RASSF8: variants seen among roughly 807,000 people sequenced by gnomAD.
RASSF8 encodes ras association domain-containing protein 8.
Under a neutral mutation model 48.5 loss-of-function variants are expected in RASSF8, and 22 were observed. The observed-to-expected ratio is 0.45, with a 90% confidence interval of 0.32 to 0.65. The LOEUF is 0.65. Ranked by LOEUF, RASSF8 falls within the 30% of genes least tolerant of loss-of-function variation. The pLI is 0.03. For synonymous variants in RASSF8, 127 were observed against 171.5 expected, an observed-to-expected ratio of 0.74 and a Z score of 2.03; for missense variants, 418 against 489.2, an observed-to-expected ratio of 0.85 and a Z score of 1.37.
chr12:25,960,372 C>T (rs560443343), intron 1 of RASSF8, among the ~76,000 whole-genome samples: 2 of 152,298 alleles, frequency 1.3e-5, no homozygotes, highest in African/African-American at 2.4e-5. Context: ...GAATGCCAGC[C>T]AGCTTTCTGC....
chr12:25,993,004 T>C (rs1027734079), intron 1 of RASSF8, among the ~76,000 whole-genome samples: 1 of 152,064 alleles, frequency 6.6e-6, no homozygotes, highest in Non-Finnish European at 1.5e-5. Context: ...AACAATGGAT[T>C]GAGTAGTTAG....
intron 2 of RASSF8, among the ~76,000 whole-genome samples, chr12:26,015,378 G>C (rs117735124): frequency 7.2e-5 from 11 of 152,086 alleles, no homozygotes; most frequent in African/African-American, 2.2e-4. Context: ...ATCAATTATC[G>C]TTCCTGCCTG....
At chr12:25,994,478 A>C (rs1942086787) in intron 1 of RASSF8, among the ~76,000 whole-genome samples, 1 of 152,182 alleles carries the variant, frequency 6.6e-6, no homozygotes, top group South Asian at 2.1e-4. Flanking sequence ...ACATTCTCAC[A>C]GCATTAGGCA....
intron 2 of RASSF8, among the ~76,000 whole-genome samples, chr12:25,995,845 G>C (rs1047016796): frequency 1.3e-5 from 2 of 152,058 alleles, no homozygotes; most frequent in African/African-American, 2.4e-5. Flanking sequence ...CACTTTACAG[G>C]TAAATAAACT....
At chr12:26,035,513 T>G (rs1943125177) in intron 2 of RASSF8, among the ~76,000 whole-genome samples, 1 of 143,232 alleles carries the variant, frequency 7.0e-6, no homozygotes, top group South Asian at 2.1e-4. Flanking sequence ...AATTATATAA[T>G]ATAATTATAT....
rs771877829 is a variant in RASSF8 at position 26,025,703 on chromosome 12, C to T, written c.-108-29533C>T. On this transcript the variant is annotated intron_variant, in intron 2 of 5. Coordinates refer to ENST00000689635, the MANE Select transcript of RASSF8 (RefSeq NM_001394098.1). ...AACTATTCAACAAGATTGCTGGATA[C>T]AAGATCAGTATGCAAAATTTAATTG... Among the ~76,000 whole-genome samples the T allele has an allele frequency of 7.7e-4, 117 of 151,716 alleles. 1 individual carries two copies. Among genetic ancestry groups the T allele is most frequent in the Non-Finnish European group, 1.5e-3 (102 of 67,968 alleles).
chr12:25,988,124 G>A (rs1350955417), intron 1 of RASSF8, among the ~76,000 whole-genome samples: 1 of 151,606 alleles, frequency 6.6e-6, no homozygotes, highest in Non-Finnish European at 1.5e-5. Flanking sequence ...GCCTCCCAAA[G>A]TGCTGGGATT....
intron 1 of RASSF8, among the ~76,000 whole-genome samples, chr12:25,984,627 C>T (rs1034220591): frequency 3.3e-5 from 5 of 152,204 alleles, no homozygotes; most frequent in Non-Finnish European, 5.9e-5. Flanking sequence ...AGGCGTGAGC[C>T]ACTGCACCCA....
intron 2 of RASSF8, among the ~76,000 whole-genome samples, chr12:26,010,847 A>G (rs2137021257): frequency 6.6e-6 from 1 of 151,962 alleles, no homozygotes; most frequent in East Asian, 1.9e-4. Context: ...GGCGAGGGGG[A>G]CCTGGGGGAT....
intron 1 of RASSF8, among the ~76,000 whole-genome samples, chr12:25,961,487 G>A (rs11610628): frequency 0.083 from 12,658 of 152,144 alleles, 577 homozygotes; most frequent in Middle Eastern, 0.15. Flanking sequence ...AAAATTCAAA[G>A]TGTAGAGAGA....
chr12:26,022,021 C>G (rs1027115533), intron 2 of RASSF8, among the ~76,000 whole-genome samples: 3 of 152,146 alleles, frequency 2.0e-5, no homozygotes, highest in African/African-American at 7.2e-5. Flanking sequence ...CTAAGAAGAG[C>G]GCTCCCTCTT....
chr12:26,070,606 T>C lies in RASSF8; in HGVS notation c.*1788T>C, dbSNP rs1022671499. On this transcript the variant is annotated 3_prime_UTR_variant, in exon 6 of 6. Transcript: ENST00000689635. The stretch of plus-strand genomic sequence containing the variant: ...AGTAGTTATTTTCTATCTACCTATA[T>C]TTAAAATTAGGATGATTAAAAAATA... 9 of 960,774 alleles carry C rather than the reference T, an allele frequency of 9.4e-6. No individual in the cohort carries two copies. Among genetic ancestry groups the C allele is most frequent in the Non-Finnish European group, 1.1e-5 (9 of 807,676 alleles). The allele number at this position is 960,774 out of a possible 1,614,324, so 59.5% of individuals were successfully genotyped here.
At chr12:25,971,765 C>G (rs1365276196) in intron 1 of RASSF8, among the ~76,000 whole-genome samples, 1 of 152,210 alleles carries the variant, frequency 6.6e-6, no homozygotes, top group Non-Finnish European at 1.5e-5. Context: ...ATTGTAGATA[C>G]AGCAGACACA....
intron 4 of RASSF8, 34 bp downstream of exon 4, chr12:26,065,421 C>T (rs1386635476): frequency 1.3e-6 from 2 of 1,533,468 alleles, no homozygotes; most frequent in South Asian, 2.6e-5. Flanking sequence ...ATGTTTGGCC[C>T]ATGTAAAATA....
intron 2 of RASSF8, among the ~76,000 whole-genome samples, chr12:26,004,998 T>TAA (rs71065997): frequency 2.6e-5 from 4 of 151,222 alleles, no homozygotes; most frequent in Non-Finnish European, 1.5e-5. Flanking sequence ...TACAAAAAGT[T>TAA]AAAAAAAAAT....
rs1273009470 is a variant in RASSF8 at position 25,993,823 on chromosome 12, G to A, written c.-202-1214G>A. On this transcript the variant is annotated intron_variant, in intron 1 of 5. Transcript: ENST00000689635. ...GTGTATCCAGCTAGCTTAAACCTATGTATTTTTATTAGAAAAAAAAAATAA... is the reference window on the plus strand; with the variant it reads ...GTGTATCCAGCTAGCTTAAACCTATATATTTTTATTAGAAAAAAAAAATAA... Among the ~76,000 whole-genome samples the A allele has an allele frequency of 2.6e-5, 4 of 151,636 alleles. No individual in the cohort carries two copies. The East Asian group carries it at 5.8e-4, about 22-fold the overall frequency.
chr12:26,033,550 AT>A (rs1417386758), intron 2 of RASSF8, among the ~76,000 whole-genome samples: 1 of 151,858 alleles, frequency 6.6e-6, no homozygotes, highest in East Asian at 1.9e-4. Context: ...GATTATCCAG[AT>A]TGTTATTTTG....
At chr12:26,043,724 T>C (rs1029172407) in intron 2 of RASSF8, among the ~76,000 whole-genome samples, 1 of 152,174 alleles carries the variant, frequency 6.6e-6, no homozygotes, top group African/African-American at 2.4e-5. Context: ...GTTTATTCAA[T>C]GGAAATCTCT....
chr12:26,005,763 T>A (rs1423766387), intron 2 of RASSF8, among the ~76,000 whole-genome samples: 1 of 152,210 alleles, frequency 6.6e-6, no homozygotes, highest in Non-Finnish European at 1.5e-5. Context: ...TATCAGCTAA[T>A]GCCCTGTCTG....
Sources: allele counts gnomAD v4.1 joint callset (sites outside exome capture counted in the v4.1 genomes callset), GRCh38; gene constraint gnomAD v4.1.1; transcripts MANE v1.5; gene names NCBI Gene and HGNC (gene_info 2026-07-23, HGNC 2026-07-21).